The following MED13L variants were observed in gnomAD, a reference collection of about 807,000 sequenced individuals.
The protein encoded by MED13L is mediator complex subunit 13L, also known as mediator of RNA polymerase II transcription subunit 13-like.
MED13L carries 7 observed loss-of-function variants against 220.9 expected under a neutral mutation model. The ratio of observed to expected loss-of-function variants is 0.03; its 90% confidence interval spans 0.02 to 0.06. MED13L has a LOEUF of 0.06. Ranked by LOEUF, MED13L falls within the 10% of genes least tolerant of loss-of-function variation. MED13L has a pLI of 1.00. For synonymous variants in MED13L, 1,011 were observed against 1,015.2 expected (o/e 1.00, Z 0.08); for missense variants, 1,965 against 2,760.5 (o/e 0.71, Z 6.46).
intron 2 of MED13L, among the ~76,000 whole-genome samples, chr12:116,180,386 T>C (rs2138219866): frequency 6.6e-6 from 1 of 152,344 alleles, no homozygotes; most frequent in African/African-American, 2.4e-5. Flanking sequence ...GTTTCATGCA[T>C]ACAATTATTT....
At chr12:116,240,832 G>C (rs1245906746) in intron 1 of MED13L, among the ~76,000 whole-genome samples, 2 of 149,730 alleles carry the variant, frequency 1.3e-5, no homozygotes, top group Non-Finnish European at 3.0e-5. Context: ...CGGACATCAA[G>C]GTGTATGTTT....
intron 14 of MED13L, among the ~76,000 whole-genome samples, chr12:115,997,891 T>TA (rs1267064197): frequency 6.6e-6 from 1 of 152,214 alleles, no homozygotes; most frequent in African/African-American, 2.4e-5. Context: ...TTACCACTAC[T>TA]AAAGTTCTAT....
intron 2 of MED13L, among the ~76,000 whole-genome samples, chr12:116,138,004 C>A (rs984435744): frequency 9.2e-5 from 14 of 151,888 alleles, no homozygotes; most frequent in Non-Finnish European, 1.6e-4. Context: ...TTACAGGCGC[C>A]TGCCACTACA....
At chr12:115,985,633 C>T (rs1015342975) in intron 19 of MED13L, among the ~76,000 whole-genome samples, 2 of 152,146 alleles carry the variant, frequency 1.3e-5, no homozygotes, top group East Asian at 3.8e-4. Context: ...GGCACTTATT[C>T]TTCAAAGACA....
chr12:116,008,791 T>A lies in MED13L; in HGVS notation c.1622A>T (p.Asn541Ile). ...ATGAGGTGAATCCATAGGATTCAGA[T>A]TCATTTGCTTGCTTGTATTTCTGGA... ...VPSRNTSKQM[N>I]LNPMDSPHSP... Residue 541 changes from asparagine (N) to isoleucine (I), a missense_variant, in exon 10 of 31, where the codon AAT becomes ATT. Asn to Ile is a moderately radical substitution (Grantham distance 149, BLOSUM62 -3). Transcript: ENST00000281928. 6.2e-7 allele frequency: 1 copy of A among 1,614,038 alleles called. No homozygotes were observed. Among genetic ancestry groups the A allele is most frequent in the Admixed American group, 1.7e-5 (1 of 60,008 alleles).
intron 27 of MED13L, among the ~76,000 whole-genome samples, chr12:115,969,837 A>G (rs981229496): frequency 3.3e-5 from 5 of 152,102 alleles, no homozygotes; most frequent in African/African-American, 1.2e-4. Flanking sequence ...CATTTTCATT[A>G]AGAAATCCTC....
intron 4 of MED13L, among the ~76,000 whole-genome samples, chr12:116,089,371 C>G (rs1871989866): frequency 6.6e-6 from 1 of 152,000 alleles, no homozygotes; most frequent in African/African-American, 2.4e-5. Flanking sequence ...TTCACTAAGT[C>G]TTGACTATAA....
At chr12:116,103,250 T>C (rs942763022) in intron 3 of MED13L, among the ~76,000 whole-genome samples, 1 of 152,060 alleles carries the variant, frequency 6.6e-6, no homozygotes, top group Non-Finnish European at 1.5e-5. Context: ...AATAAAATTA[T>C]GTACTTATTT....
chr12:116,273,383 G>T (rs1379879724), intron 1 of MED13L, among the ~76,000 whole-genome samples: 1 of 151,782 alleles, frequency 6.6e-6, no homozygotes, highest in African/African-American at 2.4e-5. Flanking sequence ...AAATCACAAT[G>T]AACTGGTACA....
intron 1 of MED13L, 195 bp downstream of exon 1, chr12:116,276,865 A>G (rs1253233231): frequency 1.0e-6 from 1 of 978,960 alleles, no homozygotes; most frequent in Non-Finnish European, 1.5e-6. Context: ...TTAAAGAGCC[A>G]AATAAACACT....
intron 4 of MED13L, among the ~76,000 whole-genome samples, chr12:116,067,833 G>A (rs529444685): frequency 3.9e-4 from 60 of 152,232 alleles, no homozygotes; most frequent in African/African-American, 1.0e-3. Flanking sequence ...GTGAGTAAGC[G>A]CATATACGAA....
rs775807063 is a variant in MED13L at position 115,991,136 on chromosome 12, G to A, written c.3818C>T (p.Thr1273Met). 14 of 1,613,994 alleles carry A rather than the reference G, an allele frequency of 8.7e-6. No homozygotes were observed. The highest frequency in any genetic ancestry group is 3.3e-5 in the Admixed American group (2 of 60,002). The stretch of plus-strand genomic sequence containing the variant: ...CTGCTCCAACGCATTAAAGCATTCC[G>A]TCCAGTAATCATTATTATCTGCTTG... ...RVQADNNDYW[T>M]ECFNALEQGR... Residue 1273 changes from threonine to methionine, a missense_variant, in exon 17 of 31, where the codon ACG becomes ATG. By Grantham distance (81) the Thr-to-Met change is moderately conservative. This residue lies in a region of MED13L where 165 missense variants were observed against 190.8 expected (regional missense o/e 0.86). Coordinates refer to ENST00000281928, the MANE Select transcript of MED13L (RefSeq NM_015335.5). The surrounding 1 kb of genome is among the most constrained non-coding windows in gnomAD (Gnocchi z 7.7).
intron 4 of MED13L, among the ~76,000 whole-genome samples, chr12:116,040,786 A>AGT (rs1881476620): frequency 6.7e-6 from 1 of 149,978 alleles, no homozygotes; most frequent in South Asian, 2.1e-4. Context: ...GTATATGTTT[A>AGT]GGAGTCCTCA....
intron 2 of MED13L, among the ~76,000 whole-genome samples, chr12:116,220,420 C>T (rs1052868255): frequency 1.3e-5 from 2 of 152,058 alleles, no homozygotes; most frequent in South Asian, 2.1e-4. Flanking sequence ...AACATAGGGC[C>T]GGACGTGGTG....
At chr12:116,205,836 GA>G (rs1882280351) in intron 2 of MED13L, among the ~76,000 whole-genome samples, 1 of 151,444 alleles carries the variant, frequency 6.6e-6, no homozygotes, top group Non-Finnish European at 1.5e-5. Flanking sequence ...TCACCACTGC[GA>G]TAATCATAAC....
chr12:115,969,462 T>C (rs1268800805), intron 27 of MED13L, among the ~76,000 whole-genome samples: 3 of 152,234 alleles, frequency 2.0e-5, no homozygotes, highest in Non-Finnish European at 2.9e-5. Context: ...ACTCCATCTA[T>C]GTATCCACTT....
chr12:116,061,814 T>C (rs548552154), intron 4 of MED13L, among the ~76,000 whole-genome samples: 1 of 152,144 alleles, frequency 6.6e-6, no homozygotes, highest in South Asian at 2.1e-4. Flanking sequence ...GAGACCATCC[T>C]GGCTAACACA....
intron 30 of MED13L, among the ~76,000 whole-genome samples, chr12:115,963,093 A>G (rs914952553): frequency 3.9e-5 from 6 of 152,228 alleles, no homozygotes; most frequent in Admixed American, 1.3e-4. Flanking sequence ...GTGCTTTAAG[A>G]GTTCCAGACA....
intron 2 of MED13L, chr12:116,230,451 T>TACC (rs1869447141): frequency 3.1e-6 from 3 of 980,548 alleles, no homozygotes; most frequent in South Asian, 9.4e-5. Flanking sequence ...TGCACTGTGA[T>TACC]ACCAATCTAA....
Sources: allele counts gnomAD v4.1 joint callset (sites outside exome capture counted in the v4.1 genomes callset), GRCh38; gene constraint gnomAD v4.1.1; regional missense constraint gnomAD v4.1.1; non-coding constraint Gnocchi (gnomAD v3.1); transcripts MANE v1.5; gene names NCBI Gene and HGNC (gene_info 2026-07-23, HGNC 2026-07-21).